HSP90AA1: variants seen among roughly 807,000 people sequenced by gnomAD.
HSP90AA1 encodes the protein heat shock protein 90 alpha family class A member 1.
HSP90AA1 carries 18 observed loss-of-function variants against 73.3 expected under a neutral mutation model. The observed-to-expected ratio is 0.25, with a 90% CI of 0.17 to 0.36. The LOEUF is 0.36. Ranked by LOEUF, HSP90AA1 falls within the 10% of genes least tolerant of loss-of-function variation. HSP90AA1 has a pLI of 1.00. For missense variants in HSP90AA1, 704 were observed against 874.2 expected (o/e 0.81, Z 2.45); for synonymous variants, 477 against 296.9 (o/e 1.61, Z -6.24).
At chr14:102,121,500 A>G (rs546655988) in intron 1 of HSP90AA1, among the ~76,000 whole-genome samples, 1 of 152,344 alleles carries the variant, frequency 6.6e-6, no homozygotes, top group South Asian at 2.1e-4. Flanking sequence ...CTCCAAATAA[A>G]TAACAGCAAC....
intron 1 of HSP90AA1, among the ~76,000 whole-genome samples, chr14:102,107,872 ACT>A (rs1395850446): frequency 6.6e-6 from 1 of 151,684 alleles, no homozygotes; most frequent in African/African-American, 2.4e-5. Context: ...TCACTGTAAT[ACT>A]GTTTGTGTCT....
At chr14:102,093,836 T>C (rs902799441) in intron 2 of HSP90AA1, among the ~76,000 whole-genome samples, 1 of 152,208 alleles carries the variant, frequency 6.6e-6, no homozygotes, top group African/African-American at 2.4e-5. Flanking sequence ...TAGCCAGGCA[T>C]GGTGGCATGC....
At chr14:102,093,483 C>CA (rs567516713) in intron 2 of HSP90AA1, among the ~76,000 whole-genome samples, 1,110 of 82,094 alleles carry the variant, frequency 0.014, 10 homozygotes, top group Middle Eastern at 0.033. Context: ...GACTCCGTCT[C>CA]AAAAAAAAAA....
At chr14:102,095,894 C>T (rs1028974643) in intron 2 of HSP90AA1, among the ~76,000 whole-genome samples, 1 of 152,212 alleles carries the variant, frequency 6.6e-6, no homozygotes, top group East Asian at 1.9e-4. Flanking sequence ...TTCATCTGCC[C>T]ACTTCCCAGT....
intron 1 of HSP90AA1, among the ~76,000 whole-genome samples, chr14:102,110,725 G>GC (rs974727443): frequency 6.6e-6 from 1 of 152,006 alleles, no homozygotes; most frequent in South Asian, 2.1e-4. Context: ...GACTACAGGT[G>GC]CCCCCCACCA....
intron 2 of HSP90AA1, among the ~76,000 whole-genome samples, chr14:102,100,656 C>T (rs2049481437): frequency 6.6e-6 from 1 of 152,226 alleles, no homozygotes; most frequent in Non-Finnish European, 1.5e-5. Context: ...AACTCCCAAC[C>T]TCAGGTGATC....
At chr14:102,087,611 G>GC (rs758263649), upstream of HSP90AA1, among the ~76,000 whole-genome samples, 41 of 152,284 alleles carry the variant, frequency 2.7e-4, no homozygotes, top group Non-Finnish European at 5.3e-4. Flanking sequence ...CGCAAGCGGC[G>GC]CCGGGATCGC....
intron 1 of HSP90AA1, among the ~76,000 whole-genome samples, chr14:102,108,528 T>C (rs1434419297): frequency 6.7e-6 from 1 of 148,720 alleles, no homozygotes; most frequent in African/African-American, 2.5e-5. Flanking sequence ...ATCTAACTTA[T>C]AACTTTTTTT....
rs1489247388 is a variant in HSP90AA1, at chr14:102,081,661, A to G, written c.*51T>C. On this transcript the variant is annotated 3_prime_UTR_variant, in exon 11 of 11. Transcript: ENST00000216281. Reference sequence around the variant, plus strand: ...AGAAAAACATCCTTGAAAATATATTATCAGAGGAATTGTAGAGTACTGAAC... The same window carrying G: ...AGAAAAACATCCTTGAAAATATATTGTCAGAGGAATTGTAGAGTACTGAAC... 6.0e-6 allele frequency: 5 copies of G among 830,956 alleles called. No individual in the cohort carries two copies. The highest frequency in any genetic ancestry group is 1.1e-5 in the Non-Finnish European group (5 of 464,540). The allele number at this position is 830,956 out of a possible 1,614,324, so 51.5% of individuals were successfully genotyped here.
chr14:102,095,682 T>C (rs1280462569), intron 2 of HSP90AA1, among the ~76,000 whole-genome samples: 2 of 152,182 alleles, frequency 1.3e-5, no homozygotes, highest in Non-Finnish European at 2.9e-5. Flanking sequence ...TGAACTCACC[T>C]TCAAATCTTC....
In HSP90AA1 at chr14:102,111,436, A is replaced by G. The variant is rs368909165; in HGVS notation, c.156-9351T>C. On this transcript the variant is annotated intron_variant, in intron 1 of 11. Transcript: ENST00000334701. ...CACATGGTACTGAGCCTGCAGGTGC[A>G]TGGAAGTCAAGAATTGAGGTTTGGG... 4.3e-4 allele frequency among the ~76,000 whole-genome samples: 66 copies of G among 152,342 alleles called. 1 individual carries two copies. Among genetic ancestry groups the G allele is most frequent in the African/African-American group, 1.5e-3 (63 of 41,590 alleles).
In HSP90AA1 at chr14:102,086,991, C is replaced by T; in HGVS notation, c.-6G>A. 1.0e-6 allele frequency: 1 copy of T among 985,386 alleles called. No individual in the cohort carries two copies. Among genetic ancestry groups the T allele is most frequent in the Non-Finnish European group, 1.2e-6 (1 of 830,168 alleles). 61.0% of individuals were successfully genotyped at this position (985,386 alleles called of 1,614,324 possible). A position where few individuals can be genotyped will look rare whatever the true frequency, so the allele number is the denominator to read the frequency against. The stretch of plus-strand genomic sequence containing the variant: ...CCCCCACAACCACCCGTCACCTTGG[C>T]TAAGTGACCGCACAGGACCAACGGC... On this transcript the variant is annotated 5_prime_UTR_variant, in exon 1 of 11. Coordinates refer to ENST00000216281, the MANE Select transcript of HSP90AA1 (RefSeq NM_005348.4).
Position 102,086,063 on chromosome 14 carries a change from T to C in HSP90AA1, c.224A>G (p.Glu75Gly). Residue 75 changes from glutamate (E) to glycine (G), a missense_variant, in exon 3 of 11, where the codon GAG becomes GGG. Coordinates refer to ENST00000216281, the MANE Select transcript of HSP90AA1 (RefSeq NM_005348.4). The part of the protein sequence containing the change: ...TDPSKLDSGK[E>G]LHINLIPNKQ... ...GTTCGGTATAAGGTTAATATGCAGC[T>C]CTTTCCCAGAGTCTAATTTACTGGG... 6.2e-7 allele frequency: 1 copy of C among 1,613,912 alleles called. No individual in the cohort carries two copies. The highest frequency in any genetic ancestry group is 8.5e-7 in the Non-Finnish European group (1 of 1,179,812).
intron 1 of HSP90AA1, among the ~76,000 whole-genome samples, chr14:102,117,163 G>A (rs375692677): frequency 2.1e-4 from 32 of 152,282 alleles, no homozygotes; most frequent in South Asian, 8.3e-4. Context: ...AGGGCAGCTC[G>A]GCACTGGCCT....
intron 2 of HSP90AA1, among the ~76,000 whole-genome samples, chr14:102,100,423 G>GTT (rs71116879): frequency 2.8e-4 from 30 of 106,300 alleles, no homozygotes; most frequent in African/African-American, 8.2e-4. Context: ...TTCCAGTCTG[G>GTT]TTTTTTTTTT....
At chr14:102,126,126 G>A (rs2049835867) in intron 1 of HSP90AA1, among the ~76,000 whole-genome samples, 1 of 152,118 alleles carries the variant, frequency 6.6e-6, no homozygotes, top group Non-Finnish European at 1.5e-5. Flanking sequence ...AGTGAGGGAT[G>A]AATAAGCAGA....
intron 1 of HSP90AA1, among the ~76,000 whole-genome samples, chr14:102,107,974 G>A (rs200702700): frequency 6.7e-6 from 1 of 149,904 alleles, no homozygotes; most frequent in African/African-American, 2.5e-5. Context: ...TTAGAATTGG[G>A]GCCTTGAAGC....
upstream of HSP90AA1, among the ~76,000 whole-genome samples, chr14:102,088,893 C>T (rs1204102152): frequency 9.4e-6 from 1 of 106,202 alleles, no homozygotes; most frequent in Non-Finnish European, 2.1e-5. Flanking sequence ...CTCTGACGTT[C>T]TTTTTTTTCT....
At position 102,084,822 on chromosome 14, in the gene HSP90AA1, A is replaced by C. The variant is rs1172317135; in HGVS notation, c.840T>G (p.Ile280Met). 1 of 1,607,900 alleles carries C rather than the reference A, an allele frequency of 6.2e-7. No individual in the cohort carries two copies. The highest frequency in any genetic ancestry group is 1.1e-5 in the South Asian group (1 of 90,942). Residue 280 changes from isoleucine (I) to methionine (M), a missense_variant, in exon 5 of 11, where the codon ATT becomes ATG. Ile to Met is a conservative substitution (Grantham distance 10). Transcript: ENST00000216281. Reference sequence around the variant, plus strand: ...CTTCTTGATCGATGTACTTTTCCTTAATCTTCTTCTTCTTCTTCTTGTCAC... The same window carrying C: ...CTTCTTGATCGATGTACTTTTCCTTCATCTTCTTCTTCTTCTTCTTGTCAC... ...KDGDKKKKKK[I>M]KEKYIDQEEL...
Sources: gnomAD v4.1 joint callset for allele counts (sites outside exome capture counted in the v4.1 genomes callset) on GRCh38, gnomAD v4.1.1 for gene constraint, MANE v1.5 for transcripts, NCBI Gene and HGNC (gene_info 2026-07-23, HGNC 2026-07-21) for gene names.